Variants in TEKT1 observed in about 807,000 individuals in gnomAD.
TEKT1 encodes tektin-1.
In TEKT1, 32 loss-of-function variants were observed where a neutral mutation model predicts 34.8. That is an observed-to-expected ratio of 0.92 (90% CI 0.69 to 1.23). The LOEUF (loss-of-function observed/expected upper bound fraction) is 1.23. Among genes scored for constraint, TEKT1 ranks in the 50% most tolerant of loss-of-function variants. The pLI is 0.00. For missense variants in TEKT1, 492 were observed against 518.5 expected (o/e 0.95, Z 0.50); for synonymous variants, 207 against 199.8 (o/e 1.04, Z -0.30).
intron 6 of TEKT1, among the ~76,000 whole-genome samples, chr17:6,806,038 C>T (rs543191791): frequency 2.0e-5 from 3 of 152,060 alleles, no homozygotes; most frequent in Admixed American, 1.3e-4. Context: ...CTTTCTGTCT[C>T]GTTGATCTGT....
At chr17:6,816,054 C>T (rs147861716) in intron 3 of TEKT1, 92 bp from the exon 4 acceptor site, 27 of 1,527,800 alleles carry the variant, frequency 1.8e-5, no homozygotes, top group African/African-American at 8.2e-5. Flanking sequence ...ACTATCTGCA[C>T]GACTGATTTG....
intron 6 of TEKT1, among the ~76,000 whole-genome samples, chr17:6,810,536 G>C (rs1976911947): frequency 6.6e-6 from 1 of 152,040 alleles, no homozygotes; most frequent in Non-Finnish European, 1.5e-5. Flanking sequence ...CATAAATAAA[G>C]CTGTATTGAA....
chr17:6,813,608 G>T (rs144953324), intron 5 of TEKT1, among the ~76,000 whole-genome samples: 5,534 of 146,476 alleles, frequency 0.038, 139 homozygotes, highest in Middle Eastern at 0.14. Flanking sequence ...AGTATATAAT[G>T]CTGTTTAATG....
chr17:6,804,299 C>T (rs1976816729), intron 6 of TEKT1, among the ~76,000 whole-genome samples: 1 of 152,006 alleles, frequency 6.6e-6, no homozygotes, highest in Non-Finnish European at 1.5e-5. Flanking sequence ...GTGATTTTTG[C>T]ACATTGATTT....
intron 2 of TEKT1, among the ~76,000 whole-genome samples, chr17:6,825,716 T>C (rs1002705708): frequency 1.3e-5 from 2 of 152,228 alleles, no homozygotes; most frequent in African/African-American, 4.8e-5. Flanking sequence ...TAGAATAATA[T>C]GGCATGTACT....
rs985737753 is a variant in TEKT1, at chr17:6,811,698, G to C, written c.852+1133C>G. Among the ~76,000 whole-genome samples the C allele has an allele frequency of 2.6e-5, 4 of 152,184 alleles. No individual in the cohort carries two copies. Among genetic ancestry groups the C allele is most frequent in the African/African-American group, 9.6e-5 (4 of 41,454 alleles). On this transcript the variant is annotated intron_variant, in intron 6 of 7. Coordinates refer to ENST00000338694, the MANE Select transcript of TEKT1 (RefSeq NM_053285.2). This position sits in a 1 kb window ranked among gnomAD's most constrained non-coding sequence, Gnocchi z 4.4. ...GATGTGGCAACAGGACAGGGATTCA[G>C]GGGCTGAGAAGGCCTGGGCTCCACT...
intron 3 of TEKT1, 125 bp from the exon 4 acceptor site, chr17:6,816,087 G>T: frequency 7.6e-7 from 1 of 1,320,124 alleles, no homozygotes; most frequent in Non-Finnish European, 1.0e-6. Flanking sequence ...TCCATCCGAT[G>T]ACACAGTGGG....
At chr17:6,829,946 T>C (rs145617408) in intron 2 of TEKT1, among the ~76,000 whole-genome samples, 291 of 152,298 alleles carry the variant, frequency 1.9e-3, no homozygotes, top group African/African-American at 5.8e-3. Context: ...TAGATGCCCA[T>C]AGATGCTCAA....
In TEKT1 at chr17:6,816,207, T is replaced by C. The variant is rs116191908; in HGVS notation, c.357-245A>G. 5.9e-3 allele frequency among the ~76,000 whole-genome samples: 895 copies of C among 152,286 alleles called. 6 individuals carry two copies. Among genetic ancestry groups the C allele is most frequent in the African/African-American group, 0.019 (809 of 41,560 alleles). On this transcript the variant is annotated intron_variant, in intron 3 of 7. Transcript: ENST00000338694. ...TGAAACATGCCAAATGGACTTTTTT[T>C]TCTCTCTCTCTTTTTCTTTTCTTTG...
chr17:6,825,525 C>A (rs181020437), intron 2 of TEKT1, among the ~76,000 whole-genome samples: 1 of 152,234 alleles, frequency 6.6e-6, no homozygotes, highest in East Asian at 1.9e-4. Context: ...TAGAAGAGTA[C>A]ACATATCATA....
Position 6,802,500 on chromosome 17 carries a change from A to G in TEKT1, c.853-1557T>C, listed in dbSNP as rs530491502. Among the ~76,000 whole-genome samples, 150 of 148,944 alleles carry G rather than the reference A, an allele frequency of 1.0e-3. No individual in the cohort carries two copies. The Middle Eastern group carries it at 0.014, about 14-fold the overall frequency. ...TTTTATTTTTTTATTTTTTTATTAT[A>G]CTTTAAGTTTTAGGGTACATGTGCA... On this transcript the variant is annotated intron_variant, in intron 6 of 7. Transcript: ENST00000338694.
chr17:6,817,565 G>T (rs1977023317), intron 3 of TEKT1, among the ~76,000 whole-genome samples: 3 of 152,124 alleles, frequency 2.0e-5, no homozygotes, highest in Non-Finnish European at 4.4e-5. Context: ...GAGACTAAGT[G>T]ATCTACCCAG....
At position 6,815,272 on chromosome 17, in the gene TEKT1, C is replaced by T; in HGVS notation, c.520G>A (p.Asp174Asn). The part of the protein sequence containing the change: ...NRSAKYNLEK[D>N]LKDKFVALTI... ...AGGGCCACAAACTTGTCCTTCAAAT[C>T]CTTCTCAAGATTGTACTTGGCAGAG... The change falls in exon 5 of 8, where the codon GAT becomes AAT. Residue 174 changes from aspartate (D) to asparagine (N), a missense_variant. Asp to Asn is a conservative substitution (Grantham distance 23). Transcript: ENST00000338694. 4 of 1,614,206 alleles carry T rather than the reference C, an allele frequency of 2.5e-6. No individual in the cohort carries two copies. The highest frequency in any genetic ancestry group is 2.5e-6 in the Non-Finnish European group (3 of 1,180,040).
chr17:6,812,962 G>T lies in TEKT1; in HGVS notation c.721C>A (p.Leu241Met). Reference protein sequence around the residue: ...QRNNSLMLKALVDRILSQTAN... With the variant: ...QRNNSLMLKAMVDRILSQTAN... ...GTCTGGGACAGGATTCGATCCACCA[G>T]GGCTTTCAGCATCAGGGAGTTGTTC... is the stretch of plus-strand genomic sequence containing the variant. The change falls in exon 6 of 8, where the codon CTG becomes ATG. Residue 241 changes from leucine (L) to methionine (M), a missense_variant. Physicochemically the swap from Leu to Met is conservative, Grantham distance 15 (BLOSUM62 2). Transcript: ENST00000338694. The T allele has an allele frequency of 6.2e-7, 1 of 1,614,208 alleles. No homozygotes were observed. The highest frequency in any genetic ancestry group is 8.5e-7 in the Non-Finnish European group (1 of 1,180,040).
chr17:6,805,555 T>C (rs1046399576), intron 6 of TEKT1, among the ~76,000 whole-genome samples: 1 of 152,234 alleles, frequency 6.6e-6, no homozygotes, highest in Non-Finnish European at 1.5e-5. Flanking sequence ...CTAATTGTGA[T>C]GTTAGGGTGT....
Position 6,805,804 on chromosome 17 carries a change from T to C in TEKT1, c.853-4861A>G, listed in dbSNP as rs967185896. 3.1e-4 allele frequency among the ~76,000 whole-genome samples: 47 copies of C among 152,360 alleles called. 1 individual carries two copies. Among genetic ancestry groups the C allele is most frequent in the Admixed American group, 1.3e-3 (20 of 15,298 alleles). ...GAGTGAGTTTCTTAATCCTGAGTTCTAGTTTGATTGCACTGTGGTCTGAGA... is the reference window on the plus strand; with the variant it reads ...GAGTGAGTTTCTTAATCCTGAGTTCCAGTTTGATTGCACTGTGGTCTGAGA... On this transcript the variant is annotated intron_variant, in intron 6 of 7. Transcript: ENST00000338694.
At position 6,828,159 on chromosome 17, in the gene TEKT1, T is replaced by G. The variant is rs148644306; in HGVS notation, c.190+2028A>C. 4.2e-3 allele frequency among the ~76,000 whole-genome samples: 638 copies of G among 152,278 alleles called. 2 individuals are homozygous for G. Among genetic ancestry groups the G allele is most frequent in the African/African-American group, 0.014 (588 of 41,544 alleles). On this transcript the variant is annotated intron_variant, in intron 2 of 7. Transcript: ENST00000338694. ...CAGGGTTTCACCATGTTAGCCAGGA[T>G]GGTCTCAATCTCCTGACCTTGTGAT...
rs148583760 is a variant in TEKT1, at chr17:6,809,478, C to T, written c.852+3353G>A. Among the ~76,000 whole-genome samples the T allele has an allele frequency of 5.8e-3, 883 of 152,208 alleles. 7 individuals are homozygous for T. Among genetic ancestry groups the T allele is most frequent in the Middle Eastern group, 0.017 (5 of 294 alleles). On this transcript the variant is annotated intron_variant, in intron 6 of 7. Coordinates refer to ENST00000338694, the MANE Select transcript of TEKT1 (RefSeq NM_053285.2). ...AACCTCTGACCTCAGGTGATCCACCCGCCTCAGCCTCCCAAAGTGCTAGGA... is the reference window on the plus strand; with the variant it reads ...AACCTCTGACCTCAGGTGATCCACCTGCCTCAGCCTCCCAAAGTGCTAGGA...
chr17:6,826,122 CCTT>C (rs1460457120), intron 2 of TEKT1, among the ~76,000 whole-genome samples: 1 of 152,176 alleles, frequency 6.6e-6, no homozygotes, highest in African/African-American at 2.4e-5. Context: ...TTGTTCTCTT[CCTT>C]CTTTTTAATT....
Sources: gnomAD v4.1 joint callset for allele counts (sites outside exome capture counted in the v4.1 genomes callset) on GRCh38, gnomAD v4.1.1 for gene constraint, Gnocchi (gnomAD v3.1) non-coding constraint, MANE v1.5 for transcripts, NCBI Gene and HGNC (gene_info 2026-07-23, HGNC 2026-07-21) for gene names.